IL3RA: variants seen among roughly 807,000 people sequenced by gnomAD.
IL3RA encodes interleukin-3 receptor subunit alpha.
Under a neutral mutation model 52.3 loss-of-function variants are expected in IL3RA, and 73 were observed. The ratio of observed to expected loss-of-function variants is 1.40; its 90% CI spans 1.16 to 1.70. The LOEUF (loss-of-function observed/expected upper bound fraction) is 1.70, where lower values mean the gene tolerates loss of function less well. IL3RA is among the 40% of genes most tolerant of loss of function. The pLI is 0.00. For missense variants in IL3RA, 664 were observed against 504.4 expected, an observed-to-expected ratio of 1.32 and a Z score of -3.03; for synonymous variants, 260 against 194.0, an observed-to-expected ratio of 1.34 and a Z score of -2.83.
At chrX:1,352,556 G>A in intron 6 of IL3RA, 50 bp downstream of exon 6, 1 of 1,574,948 alleles carries the variant, frequency 6.3e-7, no homozygotes, top group South Asian at 1.1e-5. Flanking sequence ...TGATACCACG[G>A]CTTTAGCGCC....
At chrX:1,344,733 A>ACC (rs2085654150) in intron 2 of IL3RA, among the ~76,000 whole-genome samples, 1 of 151,704 alleles carries the variant, frequency 6.6e-6, no homozygotes, top group African/African-American at 2.4e-5. Context: ...AGATCGTGCC[A>ACC]CTGCACTCCA....
chrX:1,376,739 A>G (rs2088769478), intron 9 of IL3RA, among the ~76,000 whole-genome samples: 1 of 82,844 alleles, frequency 1.2e-5, no homozygotes, highest in Non-Finnish European at 2.3e-5. Flanking sequence ...GGGCTGTGGG[A>G]GAATCAATGT....
chrX:1,346,938 T>C (rs1344736784), intron 3 of IL3RA, among the ~76,000 whole-genome samples: 2 of 151,244 alleles, frequency 1.3e-5, no homozygotes, highest in South Asian at 2.1e-4. Context: ...TACAGTCCCA[T>C]TGAACTTTGT....
intron 9 of IL3RA, among the ~76,000 whole-genome samples, chrX:1,373,890 A>G (rs1365231335): frequency 4.6e-5 from 3 of 65,284 alleles, no homozygotes; most frequent in South Asian, 6.6e-4. Flanking sequence ...CTCAGGAGGA[A>G]CCAGCCCTGC....
chrX:1,382,670 ATTTT>A lies in IL3RA; in HGVS notation c.*215_*218del. ...TGTGTGTTTATTTCATGATAAAGTG[ATTTT>A]TTTTTTTTTAACCCACTCACTGGTC... On this transcript the variant is annotated 3_prime_UTR_variant, in exon 12 of 12. Coordinates refer to ENST00000331035, the MANE Select transcript of IL3RA (RefSeq NM_002183.4). 1.9e-6 allele frequency: 1 copy of A among 531,432 alleles called. No homozygotes were observed. Among genetic ancestry groups the A allele is most frequent in the South Asian group, 2.4e-5 (1 of 42,276 alleles). 32.9% of individuals were successfully genotyped at this position (531,432 alleles called of 1,614,324 possible).
Position 1,378,778 on chromosome X carries a change from G to A in IL3RA, c.980+14G>A, listed in dbSNP as rs368440418. 3.1e-6 allele frequency: 5 copies of A among 1,608,564 alleles called. No individual in the cohort carries two copies. In the African/African-American group the frequency reaches 6.7e-5, roughly 21 times the overall value. ...GATCTGCAGAAGGTGAGCCCTCGAGGGCGTCCGCGAGCGTCGCTTGTTTCC... is the reference window on the plus strand; with the variant it reads ...GATCTGCAGAAGGTGAGCCCTCGAGAGCGTCCGCGAGCGTCGCTTGTTTCC... On this transcript the variant is annotated intron_variant, in intron 10 of 11. Coordinates refer to ENST00000331035, the MANE Select transcript of IL3RA (RefSeq NM_002183.4).
At chrX:1,377,519 A>G (rs2088854830) in intron 9 of IL3RA, among the ~76,000 whole-genome samples, 1 of 152,152 alleles carries the variant, frequency 6.6e-6, no homozygotes, top group Admixed American at 6.5e-5. Context: ...CTGGGATTAC[A>G]GGCGTGAGCC....
chrX:1,343,951 A>G (rs1419489311), intron 2 of IL3RA, among the ~76,000 whole-genome samples: 2 of 151,246 alleles, frequency 1.3e-5, no homozygotes, highest in African/African-American at 2.4e-5. Context: ...GCCCGCCACC[A>G]CGCCCAACTA....
intron 3 of IL3RA, 103 bp from the exon 4 acceptor site, chrX:1,348,328 G>A: frequency 2.3e-6 from 2 of 886,362 alleles, no homozygotes; most frequent in East Asian, 2.4e-5. Flanking sequence ...ACTCCAGCGT[G>A]GGCGACGAGA....
At chrX:1,367,541 C>CGTGAGCGGGGTGCGCGGG (rs2088201045) in intron 9 of IL3RA, among the ~76,000 whole-genome samples, 1 of 16,112 alleles carries the variant, frequency 6.2e-5, no homozygotes, top group African/African-American at 3.3e-4. Flanking sequence ...GGGTGCGCGG[C>CGTGAGCGGGGTGCGCGGG]GTGAGCCGGG....
chrX:1,358,889 T>C lies in IL3RA; in HGVS notation c.759+2T>C, dbSNP rs774035595. Reference sequence around the variant, plus strand: ...ATGCAGCCTGTAATCACAGAACAGGTGAGTGTTCCCTACCCCCAGCCGCTG... The same window carrying C: ...ATGCAGCCTGTAATCACAGAACAGGCGAGTGTTCCCTACCCCCAGCCGCTG... On this transcript the variant is annotated splice_donor_variant, in intron 8 of 11. Transcript: ENST00000331035. LOFTEE classifies it high-confidence loss of function. 3.6e-5 allele frequency: 58 copies of C among 1,611,912 alleles called. No homozygotes were observed. Among genetic ancestry groups the C allele is most frequent in the Non-Finnish European group, 4.7e-5 (55 of 1,178,966 alleles).
Position 1,382,485 on chromosome X carries a change from TG to T in IL3RA, c.*25del. 6.2e-7 allele frequency: 1 copy of T among 1,610,990 alleles called. No homozygotes were observed. The highest frequency in any genetic ancestry group is 1.7e-4 in the Middle Eastern group (1 of 6,022). ...ACTTGAGACTGGGGTTCAGGGCTTGTGGGGGTCTGCCTCAATCTCCCTGGCC... is the reference window on the plus strand; with the variant it reads ...ACTTGAGACTGGGGTTCAGGGCTTGTGGGGTCTGCCTCAATCTCCCTGGCC... On this transcript the variant is annotated 3_prime_UTR_variant, in exon 12 of 12. Transcript: ENST00000331035.
intron 11 of IL3RA, 92 bp from the exon 12 acceptor site, chrX:1,382,299 G>A: frequency 1.8e-6 from 2 of 1,137,622 alleles, no homozygotes; most frequent in Non-Finnish European, 2.7e-6. Context: ...CCACAGAGCA[G>A]ATCTGAGATG....
chrX:1,363,052 AG>A (rs1164619387), intron 8 of IL3RA, among the ~76,000 whole-genome samples: 1 of 152,110 alleles, frequency 6.6e-6, no homozygotes, highest in Admixed American at 6.6e-5. Context: ...CTGGGATTAC[AG>A]GTGTCAGCCA....
At chrX:1,347,985 C>G (rs17880054) in intron 3 of IL3RA, among the ~76,000 whole-genome samples, 1 of 144,086 alleles carries the variant, frequency 6.9e-6, no homozygotes, top group Non-Finnish European at 1.5e-5. Context: ...TACAGTGAGC[C>G]GAGATCGCGC....
At chrX:1,355,419 A>C (rs1261768614) in intron 6 of IL3RA, among the ~76,000 whole-genome samples, 1 of 76,872 alleles carries the variant, frequency 1.3e-5, no homozygotes, top group African/African-American at 5.3e-5. Context: ...GCGGAGGGGG[A>C]GGAGGGGAGG....
intron 3 of IL3RA, among the ~76,000 whole-genome samples, chrX:1,346,606 C>CAAAACA (rs374362563): frequency 4.0e-5 from 6 of 151,688 alleles, no homozygotes; most frequent in African/African-American, 1.2e-4. Flanking sequence ...GACTCCATCT[C>CAAAACA]AAAACAAAAA....
intron 8 of IL3RA, among the ~76,000 whole-genome samples, chrX:1,363,337 G>A (rs2087618980): frequency 7.4e-6 from 1 of 134,972 alleles, no homozygotes; most frequent in Non-Finnish European, 1.6e-5. Context: ...GTCTCGCTCT[G>A]TCACCCAGGC....
rs773012094 is a variant in IL3RA, at chrX:1,347,349, C to T, written c.184-1082C>T. 2.6e-5 allele frequency among the ~76,000 whole-genome samples: 4 copies of T among 151,160 alleles called. No individual in the cohort carries two copies. In the South Asian group the frequency reaches 8.3e-4, roughly 31 times the overall value. ...GTCCCAGCTACTCGGGAGGCTGAGG[C>T]AGGAGAATGGCTTGAACCTGGGAGG... On this transcript the variant is annotated intron_variant, in intron 3 of 11. Transcript: ENST00000331035.
Sources: gnomAD v4.1 joint callset for allele counts (sites outside exome capture counted in the v4.1 genomes callset) on GRCh38, gnomAD v4.1.1 for gene constraint, MANE v1.5 for transcripts, NCBI Gene and HGNC (gene_info 2026-07-23, HGNC 2026-07-21) for gene names.